The following MICAL2 variants were observed in gnomAD, a reference collection of about 807,000 sequenced individuals.
MICAL2 encodes microtubule associated monooxygenase, calponin and LIM domain containing 2.
MICAL2 carries 77 observed loss-of-function variants against 127.3 expected under a neutral mutation model. That is an observed-to-expected ratio of 0.60 (90% CI 0.50 to 0.73). The LOEUF is 0.73. MICAL2 is among the 30% of genes least tolerant of loss of function. MICAL2 has a pLI of 0.00. For synonymous variants in MICAL2, 570 were observed against 551.1 expected (o/e 1.03, Z -0.48); for missense variants, 1,351 against 1,434.4 (o/e 0.94, Z 0.94).
At chr11:12,336,286 T>C in intron 32 of MICAL2, among the ~76,000 whole-genome samples, 1 of 152,234 alleles carries the variant, frequency 6.6e-6, no homozygotes, top group South Asian at 2.1e-4. Context: ...ATGTCTGTGA[T>C]TTTTGCACAT....
At chr11:12,183,103 A>G (rs1025765624) in intron 3 of MICAL2, among the ~76,000 whole-genome samples, 1 of 151,646 alleles carries the variant, frequency 6.6e-6, no homozygotes, top group African/African-American at 2.4e-5. Context: ...TTTGTTCAGG[A>G]AGTTAGGAGT....
intron 3 of MICAL2, among the ~76,000 whole-genome samples, chr11:12,184,463 A>G (rs1857903937): frequency 6.6e-6 from 1 of 152,168 alleles, no homozygotes; most frequent in African/African-American, 2.4e-5. Context: ...GCTTCTCTGA[A>G]ATTCCAGCCC....
chr11:12,187,100 C>T (rs1858400492), intron 3 of MICAL2, among the ~76,000 whole-genome samples: 1 of 152,252 alleles, frequency 6.6e-6, no homozygotes, highest in African/African-American at 2.4e-5. Flanking sequence ...CCTCTGCTCT[C>T]TCCCCGTGTG....
intron 30 of MICAL2, among the ~76,000 whole-genome samples, chr11:12,320,685 C>G (rs1265208328): frequency 1.3e-5 from 2 of 152,040 alleles, no homozygotes; most frequent in Non-Finnish European, 2.9e-5. Flanking sequence ...TACTTACACT[C>G]AACTTTTCTA....
chr11:12,285,603 TCA>T (rs1304919392), intron 2 of MICAL2, among the ~76,000 whole-genome samples: 10 of 152,212 alleles, frequency 6.6e-5, no homozygotes, highest in African/African-American at 2.4e-4. Context: ...CATAATTTTC[TCA>T]GTTATAATTT....
intron 16 of MICAL2, among the ~76,000 whole-genome samples, chr11:12,237,633 AC>A (rs112421686): frequency 0.065 from 9,909 of 152,122 alleles, 442 homozygotes; most frequent in Non-Finnish European, 0.093. Context: ...GTTTGTGTCT[AC>A]CCTTTCTGAG....
rs185515908 is a variant in MICAL2 at position 12,153,661 on chromosome 11, C to T, written c.-77-8418C>T. Among the ~76,000 whole-genome samples, 682 of 152,336 alleles carry T rather than the reference C, an allele frequency of 4.5e-3. 2 individuals carry two copies. Among genetic ancestry groups the T allele is most frequent in the Non-Finnish European group, 7.6e-3 (514 of 68,038 alleles). On this transcript the variant is annotated intron_variant, in intron 2 of 27. Coordinates refer to ENST00000683283, the MANE Select transcript of MICAL2 (RefSeq NM_001282663.2). The stretch of plus-strand genomic sequence containing the variant: ...CCATATTGGTCAGGCTGGTCTCAAA[C>T]TCCTGACCTCGAGTCTGCACCTATT...
chr11:12,269,052 G>T (rs1001755939), intron 24 of MICAL2, among the ~76,000 whole-genome samples: 3 of 152,026 alleles, frequency 2.0e-5, no homozygotes, highest in Non-Finnish European at 4.4e-5. Context: ...GCCTAGAAAT[G>T]CCAGAAGATC....
At chr11:12,178,704 AG>A (rs1292751892) in intron 3 of MICAL2, among the ~76,000 whole-genome samples, 1 of 150,874 alleles carries the variant, frequency 6.6e-6, no homozygotes, top group Non-Finnish European at 1.5e-5. Flanking sequence ...GTCTCTCATC[AG>A]ACGGTATTAT....
intron 1 of MICAL2, among the ~76,000 whole-genome samples, chr11:12,120,122 G>T (rs1203213334): frequency 1.3e-5 from 2 of 152,186 alleles, no homozygotes; most frequent in Admixed American, 6.5e-5. Context: ...TCAGTCCCAA[G>T]ATCTTTTCTT....
At chr11:12,295,426 C>T (rs1463869360), downstream of MICAL2, among the ~76,000 whole-genome samples, 3 of 150,088 alleles carry the variant, frequency 2.0e-5, no homozygotes, top group African/African-American at 2.4e-5. Flanking sequence ...AGGCATGAGC[C>T]GCCATGCTCA....
At chr11:12,294,201 C>T (rs777679310), downstream of MICAL2, 22 of 1,613,900 alleles carry the variant, frequency 1.4e-5, no homozygotes, top group Non-Finnish European at 1.9e-5. Flanking sequence ...GCGGAACAAG[C>T]TCAAGGGGAG....
chr11:12,337,250 T>C (rs1268777625), intron 32 of MICAL2, among the ~76,000 whole-genome samples: 1 of 152,240 alleles, frequency 6.6e-6, no homozygotes, highest in Non-Finnish European at 1.5e-5. Context: ...TAGAGGTGTT[T>C]ATAGTATTCT....
rs141232996 is a variant in MICAL2, at chr11:12,280,414, C to T, written c.88-519C>T. 3.0e-4 allele frequency among the ~76,000 whole-genome samples: 46 copies of T among 152,314 alleles called. 1 individual carries two copies. The East Asian group carries it at 8.7e-3, about 29-fold the overall frequency. On this transcript the variant is annotated intron_variant, in intron 1 of 2. Coordinates refer to the MICAL2 transcript ENST00000529028. ...CTCTGGCTGCCATAACAAAGCACCA[C>T]AGACTGGGTGGCTGAAACAACAGAA...
intron 2 of MICAL2, among the ~76,000 whole-genome samples, chr11:12,140,356 G>C (rs2133620457): frequency 6.6e-6 from 1 of 152,330 alleles, no homozygotes; most frequent in African/African-American, 2.4e-5. Flanking sequence ...CTGTCTAAGG[G>C]CTGAGCTGGG....
At chr11:12,345,951 A>T (rs1286304041) in intron 32 of MICAL2, among the ~76,000 whole-genome samples, 1 of 152,182 alleles carries the variant, frequency 6.6e-6, no homozygotes, top group Non-Finnish European at 1.5e-5. Context: ...AAAAGAGCAA[A>T]CTTAGTGAAT....
intron 26 of MICAL2, chr11:12,261,816 G>A: frequency 2.2e-5 from 22 of 985,776 alleles, no homozygotes; most frequent in Non-Finnish European, 2.4e-5. Context: ...CCGATGACTT[G>A]CATTGTGTTT....
chr11:12,196,535 T>C (rs1025482446), intron 3 of MICAL2, among the ~76,000 whole-genome samples: 1 of 152,088 alleles, frequency 6.6e-6, no homozygotes, highest in East Asian at 1.9e-4. Context: ...GACAGGAAGA[T>C]GAGGAGGAGC....
At chr11:12,324,197 C>CTT in intron 31 of MICAL2, 1 of 1,126,108 alleles carries the variant, frequency 8.9e-7, no homozygotes, top group Non-Finnish European at 1.2e-6. Flanking sequence ...CAGTCTTGTT[C>CTT]TCTGAGGAAC....
Sources: gnomAD v4.1 joint callset for allele counts (sites outside exome capture counted in the v4.1 genomes callset) on GRCh38, gnomAD v4.1.1 for gene constraint, MANE v1.5 for transcripts, NCBI Gene and HGNC (gene_info 2026-07-23, HGNC 2026-07-21) for gene names.